The following ZNF587 variants were observed in gnomAD, a reference collection of about 807,000 sequenced individuals.
ZNF587 encodes zinc finger protein zfp6.
Under a neutral mutation model 7.5 loss-of-function variants are expected in ZNF587, and 8 were observed. The ratio of observed to expected loss-of-function variants is 1.06; its 90% CI spans 0.62 to 1.92. The LOEUF (loss-of-function observed/expected upper bound fraction) is 1.92. ZNF587 is among the 40% of genes most tolerant of loss of function. The pLI is 0.00. For synonymous variants in ZNF587, 145 were observed against 237.8 expected, an observed-to-expected ratio of 0.61 and a Z score of 3.59; for missense variants, 468 against 692.8, an observed-to-expected ratio of 0.68 and a Z score of 3.64.
chr19:57,860,240 A>G lies in ZNF587; in HGVS notation c.*100A>G, dbSNP rs555149545. 2.6e-3 allele frequency: 4,137 copies of G among 1,596,256 alleles called. 9 individuals are homozygous for G. The highest frequency in any genetic ancestry group is 3.5e-3 in the Middle Eastern group (21 of 5,980). On this transcript the variant is annotated 3_prime_UTR_variant, in exon 3 of 3. Coordinates refer to ENST00000339656, the MANE Select transcript of ZNF587 (RefSeq NM_032828.4). ...GGCCTTATGAGTGCTGTCAATGTGG[A>G]AAACATCAGAATGTCTGCTGTCCTC...
rs1248576827 is a variant in ZNF587, at chr19:57,849,879, G to C, written c.-160G>C. Reference sequence around the variant, plus strand: ...TCTCTAGTAGCGGCTGTGTATCGGCGATGCGGGTGTTTCCCCAGTTTGTGG... The same window carrying C: ...TCTCTAGTAGCGGCTGTGTATCGGCCATGCGGGTGTTTCCCCAGTTTGTGG... On this transcript the variant is annotated 5_prime_UTR_variant, in exon 1 of 3. Transcript: ENST00000339656. 1 of 1,505,228 alleles carries C rather than the reference G, an allele frequency of 6.6e-7. No homozygotes were observed. The highest frequency in any genetic ancestry group is 8.9e-7 in the Non-Finnish European group (1 of 1,126,170). 93.2% of individuals were successfully genotyped at this position (1,505,228 alleles called of 1,614,324 possible).
intron 2 of ZNF587, 102 bp from the exon 3 acceptor site, chr19:57,858,474 T>A: frequency 6.6e-7 from 1 of 1,510,240 alleles, no homozygotes; most frequent in East Asian, 2.3e-5. Context: ...CCTGCAAATA[T>A]TTCTATAGAT....
At position 57,863,031 on chromosome 19, in the gene ZNF587, C is replaced by A. The variant is rs2071456194; in HGVS notation, c.*2891C>A. ...GCAGTGGCACGATCTCGGCTCACTGCAACTCCACCTCCCGGGTTCACGCCA... is the reference window on the plus strand; with the variant it reads ...GCAGTGGCACGATCTCGGCTCACTGAAACTCCACCTCCCGGGTTCACGCCA... On this transcript the variant is annotated 3_prime_UTR_variant, in exon 3 of 3. Coordinates refer to ENST00000339656, the MANE Select transcript of ZNF587 (RefSeq NM_032828.4). 6.5e-6 allele frequency: 1 copy of A among 152,980 alleles called. No individual in the cohort carries two copies. Among genetic ancestry groups the A allele is most frequent in the South Asian group, 2.1e-4 (1 of 4,840 alleles). 9.5% of individuals were successfully genotyped at this position (152,980 alleles called of 1,614,324 possible).
rs1485700438 is a variant in ZNF587 at position 57,861,529 on chromosome 19, T to C, written c.*1389T>C. On this transcript the variant is annotated 3_prime_UTR_variant, in exon 3 of 3. Transcript: ENST00000339656. ...TATTTTCTGTAGAGAGGGTTTTACC[T>C]TTTTGCCCAGTCTGATCGCGAACTC... is the stretch of plus-strand genomic sequence containing the variant. The C allele has an allele frequency of 1.3e-5, 2 of 152,070 alleles. No individual in the cohort carries two copies. The highest frequency in any genetic ancestry group is 2.9e-5 in the Non-Finnish European group (2 of 68,034). The allele number at this position is 152,070 out of a possible 1,614,324, so 9.4% of individuals were successfully genotyped here.
chr19:57,855,162 G>A (rs2071335794), intron 1 of ZNF587, among the ~76,000 whole-genome samples: 1 of 151,500 alleles, frequency 6.6e-6, no homozygotes, highest in Non-Finnish European at 1.5e-5. Flanking sequence ...CCAGCCTGGG[G>A]GACACAGCAA....
chr19:57,851,435 T>C (rs2071278732), intron 1 of ZNF587: 1 of 152,202 alleles, frequency 6.6e-6, no homozygotes. Context: ...GGCTGAAAGG[T>C]TGGAAGCAAG....
Position 57,861,773 on chromosome 19 carries a change from C to CTTTTTTTTTT in ZNF587, c.*1640_*1649dup, listed in dbSNP as rs59253366. The CTTTTTTTTTT allele has an allele frequency of 0.012, 1,394 of 118,964 alleles. 49 individuals are homozygous for CTTTTTTTTTT. Among genetic ancestry groups the CTTTTTTTTTT allele is most frequent in the East Asian group, 0.023 (91 of 3,912 alleles). 7.4% of individuals were successfully genotyped at this position (118,964 alleles called of 1,614,324 possible). A position where few individuals can be genotyped will look rare whatever the true frequency, so the allele number is the denominator to read the frequency against. ...TTTGCTGCAAGGAATATTTGGTTTTCTTTTTTTTTTTTTTTTCCAGATGGA... is the reference window on the plus strand; with the variant it reads ...TTTGCTGCAAGGAATATTTGGTTTTCTTTTTTTTTTTTTTTTTTTTTTTTTTCCAGATGGA... On this transcript the variant is annotated 3_prime_UTR_variant, in exon 3 of 3. Transcript: ENST00000339656.
intron 1 of ZNF587, chr19:57,850,360 G>T (rs2071266407): frequency 6.7e-6 from 4 of 600,604 alleles, no homozygotes; most frequent in African/African-American, 5.6e-5. Context: ...CAGTCTCCCT[G>T]AGCATTCTGG....
At chr19:57,855,998 G>T in intron 1 of ZNF587, 106 bp from the exon 2 acceptor site, 2 of 1,552,612 alleles carry the variant, frequency 1.3e-6, no homozygotes, top group Non-Finnish European at 1.7e-6. Context: ...TCAACTCCGT[G>T]TTGGGGACCT....
At chr19:57,855,027 A>G (rs1342696516) in intron 1 of ZNF587, among the ~76,000 whole-genome samples, 4 of 151,368 alleles carry the variant, frequency 2.6e-5, no homozygotes, top group Non-Finnish European at 4.4e-5. Flanking sequence ...AAAAAAAAAT[A>G]CAAAAAATTA....
intron 1 of ZNF587, chr19:57,850,688 G>A (rs1187792029): frequency 2.5e-6 from 1 of 397,636 alleles, no homozygotes; most frequent in Non-Finnish European, 4.4e-6. Context: ...TAAAAGGCGG[G>A]TCCAGGTGGC....
intron 1 of ZNF587, 200 bp downstream of exon 1, chr19:57,850,271 T>G (rs1334030739): frequency 2.4e-6 from 2 of 826,860 alleles, no homozygotes; most frequent in Non-Finnish European, 3.8e-6. Context: ...TTATGAAGAC[T>G]GGGGAATTGC....
intron 1 of ZNF587, chr19:57,850,442 G>A: frequency 1.9e-6 from 1 of 515,898 alleles, no homozygotes; most frequent in South Asian, 3.3e-5. Context: ...GGTTGGAGAT[G>A]GATTCATAGG....
intron 1 of ZNF587, among the ~76,000 whole-genome samples, chr19:57,852,843 T>C (rs1204243940): frequency 1.3e-4 from 14 of 105,706 alleles, no homozygotes; most frequent in African/African-American, 4.5e-4. Context: ...AGCTAGGCTT[T>C]TTTTTTTTTT....
At chr19:57,855,478 C>T (rs572751563) in intron 1 of ZNF587, among the ~76,000 whole-genome samples, 141 of 151,670 alleles carry the variant, frequency 9.3e-4, no homozygotes, top group African/African-American at 3.1e-3. Flanking sequence ...TTAATGAGAG[C>T]GAGGTTGTCT....
Position 57,859,252 on chromosome 19 carries a change from G to A in ZNF587, c.840G>A (p.Lys280=). Residue 280 remains lysine, a synonymous_variant, in exon 3 of 3, where the codon AAG becomes AAA. Transcript: ENST00000339656. Reference sequence around the variant, plus strand: ...AGTGTGGGAAATCTTATAGTCGAAAGAGCAGCCTTATTCAACATCAGCGAG... The same window carrying A: ...AGTGTGGGAAATCTTATAGTCGAAAAAGCAGCCTTATTCAACATCAGCGAG... The part of the protein sequence containing the change: ...CGECGKSYSR[K]SSLIQHQRVH... 6.2e-7 allele frequency: 1 copy of A among 1,601,934 alleles called. No homozygotes were observed. The highest frequency in any genetic ancestry group is 8.5e-7 in the Non-Finnish European group (1 of 1,175,250).
At chr19:57,855,326 C>T (rs2071338041) in intron 1 of ZNF587, among the ~76,000 whole-genome samples, 1 of 152,016 alleles carries the variant, frequency 6.6e-6, no homozygotes, top group African/African-American at 2.4e-5. Context: ...GCCTGGGTGG[C>T]AGAGCTAGAC....
In ZNF587 at chr19:57,859,720, C is replaced by T; in HGVS notation, c.1308C>T (p.Tyr436=). Reference sequence around the variant, plus strand: ...GACTTCACACTGGGGAAAGACCTTACAATTGTAGGGAATGTGGGAAATTAT... The same window carrying T: ...GACTTCACACTGGGGAAAGACCTTATAATTGTAGGGAATGTGGGAAATTAT... ...HQRLHTGERP[Y]NCRECGKLFN... The change falls in exon 3 of 3, where the codon TAC becomes TAT. Residue 436 remains tyrosine, a synonymous_variant. Transcript: ENST00000339656. The T allele has an allele frequency of 3.7e-6, 6 of 1,613,328 alleles. No individual in the cohort carries two copies. The highest frequency in any genetic ancestry group is 4.2e-6 in the Non-Finnish European group (5 of 1,179,868).
intron 1 of ZNF587, 180 bp from the exon 2 acceptor site, chr19:57,855,924 C>T: frequency 9.2e-7 from 1 of 1,087,840 alleles, no homozygotes; most frequent in Non-Finnish European, 1.3e-6. Context: ...CCACCTACTT[C>T]TTGTTGCTGA....
Sources: gnomAD v4.1 joint callset for allele counts (sites outside exome capture counted in the v4.1 genomes callset) on GRCh38, gnomAD v4.1.1 for gene constraint, MANE v1.5 for transcripts, NCBI Gene and HGNC (gene_info 2026-07-23, HGNC 2026-07-21) for gene names.